The following PFKFB3 variants were observed in gnomAD, a reference collection of about 807,000 sequenced individuals.
PFKFB3 encodes the protein 6-phosphofructo-2-kinase/fructose-2,6-bisphosphatase 3.
In PFKFB3, 33 loss-of-function variants were observed where a neutral mutation model predicts 68.0. The ratio of observed to expected loss-of-function variants is 0.49; its 90% CI spans 0.37 to 0.65. The LOEUF is 0.65. PFKFB3 is among the 30% of genes least tolerant of loss of function. The pLI, the probability that PFKFB3 is intolerant of heterozygous loss-of-function variation, is 0.00. For synonymous variants in PFKFB3, 315 were observed against 288.2 expected (o/e 1.09, Z -0.94); for missense variants, 586 against 712.2 (o/e 0.82, Z 2.02).
intron 1 of PFKFB3, among the ~76,000 whole-genome samples, chr10:6,183,942 G>A (rs1413337073): frequency 4.6e-5 from 7 of 151,336 alleles, no homozygotes; most frequent in Non-Finnish European, 8.8e-5. Flanking sequence ...CACCCGCCTC[G>A]CCCTCCCAAA....
chr10:6,224,584 G>GA (rs1279523488), intron 13 of PFKFB3: 1 of 430,010 alleles, frequency 2.3e-6, no homozygotes, highest in Non-Finnish European at 4.6e-6. Context: ...GGGTTCAAGT[G>GA]ATCCTCCCGC....
At chr10:6,269,500 AT>A in the PFKFB3 span, among the ~76,000 whole-genome samples, 6 of 152,062 alleles carry the variant, frequency 3.9e-5, no homozygotes, top group South Asian at 1.2e-3. Flanking sequence ...ACATACATAT[AT>A]TTTTTTCCCT....
At chr10:6,246,432 G>A (rs879860574) in intron 14 of PFKFB3, among the ~76,000 whole-genome samples, 6 of 151,108 alleles carry the variant, frequency 4.0e-5, no homozygotes, top group Admixed American at 1.3e-4. Context: ...TCCACCTCCC[G>A]GGTTCAAGCA....
intron 1 of PFKFB3, among the ~76,000 whole-genome samples, chr10:6,145,588 G>A (rs1209341051): frequency 6.6e-6 from 1 of 152,168 alleles, no homozygotes; most frequent in Non-Finnish European, 1.5e-5. Context: ...CGCGGCGCGG[G>A]AGGTGGGCAG....
At chr10:6,219,268 G>C (rs1192216030) in intron 6 of PFKFB3, among the ~76,000 whole-genome samples, 2 of 152,320 alleles carry the variant, frequency 1.3e-5, no homozygotes, top group Middle Eastern at 3.4e-3. Context: ...GCGGTGACTC[G>C]GGCACGGGAC....
the PFKFB3 span, among the ~76,000 whole-genome samples, chr10:6,277,201 C>A: frequency 2.6e-5 from 4 of 151,760 alleles, no homozygotes; most frequent in African/African-American, 7.3e-5. Context: ...GGGATGGTTT[C>A]TTTTTCTTTC....
intron 1 of PFKFB3, among the ~76,000 whole-genome samples, chr10:6,204,930 G>C (rs556653842): frequency 2.0e-5 from 3 of 152,334 alleles, no homozygotes; most frequent in African/African-American, 7.2e-5. Context: ...AGGGCTCTGA[G>C]ATCTGTTGGC....
chr10:6,270,918 T>C, the PFKFB3 span, among the ~76,000 whole-genome samples: 1 of 152,230 alleles, frequency 6.6e-6, no homozygotes, highest in East Asian at 1.9e-4. Context: ...AAGCACCCAC[T>C]AAATATTTGC....
Position 6,196,588 on chromosome 10 carries a change from T to A in PFKFB3, c.17-17035T>A, listed in dbSNP as rs192856465. Among the ~76,000 whole-genome samples, 189 of 152,260 alleles carry A rather than the reference T, an allele frequency of 1.2e-3. 4 individuals carry two copies. The East Asian group carries it at 0.033, about 26-fold the overall frequency. Reference sequence around the variant, plus strand: ...GTCTGATGTTTGAGGGCAGGAAGCATTCAGCACAGGAGAAAGATGTAGGCG... The same window carrying A: ...GTCTGATGTTTGAGGGCAGGAAGCAATCAGCACAGGAGAAAGATGTAGGCG... On this transcript the variant is annotated intron_variant, in intron 1 of 14. Transcript: ENST00000379789.
the PFKFB3 span, among the ~76,000 whole-genome samples, chr10:6,262,907 T>G: frequency 6.6e-6 from 1 of 152,098 alleles, no homozygotes; most frequent in Non-Finnish European, 1.5e-5. Flanking sequence ...GGGGCTGTGA[T>G]GAGATTGGTT....
chr10:6,261,077 C>T, the PFKFB3 span, among the ~76,000 whole-genome samples: 46 of 152,336 alleles, frequency 3.0e-4, no homozygotes, highest in South Asian at 2.3e-3. Context: ...CTAATTTCAG[C>T]TTATCTGATG....
chr10:6,263,247 G>A, the PFKFB3 span, among the ~76,000 whole-genome samples: 1 of 152,270 alleles, frequency 6.6e-6, no homozygotes, highest in East Asian at 1.9e-4. Flanking sequence ...GTTAACTGCA[G>A]CAGGAGCATG....
chr10:6,243,129 A>C (rs1376535705), intron 14 of PFKFB3, among the ~76,000 whole-genome samples: 1 of 152,214 alleles, frequency 6.6e-6, no homozygotes, highest in Non-Finnish European at 1.5e-5. Context: ...ATTCTCTAGG[A>C]ATGCTCAGGT....
intron 1 of PFKFB3, among the ~76,000 whole-genome samples, chr10:6,196,599 A>T (rs1216894754): frequency 6.6e-6 from 1 of 152,190 alleles, no homozygotes; most frequent in Non-Finnish European, 1.5e-5. Context: ...TCAGCACAGG[A>T]GAAAGATGTA....
At chr10:6,166,473 A>G (rs1353399045) in intron 1 of PFKFB3, among the ~76,000 whole-genome samples, 1 of 151,922 alleles carries the variant, frequency 6.6e-6, no homozygotes, top group Non-Finnish European at 1.5e-5. Flanking sequence ...GTGAACAATG[A>G]TGTTGCAGTT....
rs756362227 is a variant in PFKFB3 at position 6,229,100 on chromosome 10, T to A, written c.1515+2735T>A. 2 of 531,692 alleles carry A rather than the reference T, an allele frequency of 3.8e-6. No homozygotes were observed. Among genetic ancestry groups the A allele is most frequent in the Admixed American group, 3.9e-5 (2 of 51,366 alleles). 32.9% of individuals were successfully genotyped at this position (531,692 alleles called of 1,614,324 possible). A position where few individuals can be genotyped will look rare whatever the true frequency, so the allele number is the denominator to read the frequency against. On this transcript the variant is annotated intron_variant, in intron 14 of 14. Transcript: ENST00000379775. The surrounding 1 kb of genome is among the most constrained non-coding windows in gnomAD (Gnocchi z 4.3). ...TTGCTCCTTAAGTTACCTTAACTAC[T>A]TTATGCAGAAACTGGAAAGGTGTGA...
chr10:6,193,832 CT>C (rs1821944252), intron 1 of PFKFB3, among the ~76,000 whole-genome samples: 1 of 152,036 alleles, frequency 6.6e-6, no homozygotes, highest in Non-Finnish European at 1.5e-5. Context: ...AAAGAACCTT[CT>C]TAAGGGTGGG....
chr10:6,189,014 A>AT (rs1842954340), intron 1 of PFKFB3, among the ~76,000 whole-genome samples: 1 of 151,756 alleles, frequency 6.6e-6, no homozygotes, highest in Admixed American at 6.6e-5. Flanking sequence ...TTTTAAAAAA[A>AT]TTTTTTAGTG....
At chr10:6,225,243 A>G (rs1845262633) in intron 13 of PFKFB3, 2 of 455,984 alleles carry the variant, frequency 4.4e-6, no homozygotes, top group Admixed American at 2.4e-5. Context: ...GGCGTTCCCG[A>G]AACAGGTGAC....
Sources: gnomAD v4.1 joint callset for allele counts (sites outside exome capture counted in the v4.1 genomes callset) on GRCh38, gnomAD v4.1.1 for gene constraint, Gnocchi (gnomAD v3.1) non-coding constraint, MANE v1.5 for transcripts, NCBI Gene and HGNC (gene_info 2026-07-23, HGNC 2026-07-21) for gene names.